Variants in STRN observed in about 807,000 individuals in gnomAD.
STRN encodes the protein striatin, also known as protein phosphatase 2 regulatory subunit B'''alpha.
A neutral mutation model predicts 96.3 loss-of-function variants in STRN; 53 were observed. The observed-to-expected ratio is 0.55, with a 90% CI of 0.44 to 0.69. The LOEUF (loss-of-function observed/expected upper bound fraction) is 0.69, where lower values mean the gene tolerates loss of function less well. Among genes scored for constraint, STRN ranks in the 30% least tolerant of loss-of-function variants. STRN has a pLI of 0.00. For missense variants in STRN, 987 were observed against 963.9 expected (o/e 1.02, Z -0.32); for synonymous variants, 428 against 355.9 (o/e 1.20, Z -2.28).
chr2:36,933,132 G>T (rs1056577454), intron 1 of STRN, among the ~76,000 whole-genome samples: 2 of 151,246 alleles, frequency 1.3e-5, no homozygotes, highest in African/African-American at 4.9e-5. Context: ...TACACCTGCA[G>T]ATTCAGTCAA....
chr2:36,845,877 A>AT lies in STRN; in HGVS notation c.*3578dup. ...TGGTCACAAATCAGGACCTTCACAG[A>AT]TTGGTAAACACACACACACACACAC... On this transcript the variant is annotated 3_prime_UTR_variant, in exon 18 of 18. Transcript: ENST00000263918. The AT allele has an allele frequency of 8.1e-6, 1 of 122,990 alleles. No individual in the cohort carries two copies. The highest frequency in any genetic ancestry group is 1.8e-5 in the Non-Finnish European group (1 of 55,778). 7.6% of individuals were successfully genotyped at this position (122,990 alleles called of 1,614,324 possible).
chr2:36,918,634 C>A (rs1670171434), intron 2 of STRN, among the ~76,000 whole-genome samples: 1 of 151,956 alleles, frequency 6.6e-6, no homozygotes, highest in African/African-American at 2.4e-5. Flanking sequence ...AAAAAACAGA[C>A]AAAGGCAAAA....
In STRN at chr2:36,839,669, GTCCAGGCCAAAT is replaced by G. The variant is rs1667900910; in HGVS notation, c.*9775_*9786del. On this transcript the variant is annotated 3_prime_UTR_variant, in exon 18 of 18. Transcript: ENST00000263918. The stretch of plus-strand genomic sequence containing the variant: ...TCTAACAGACAATAAATGTCCTATT[GTCCAGGCCAAAT>G]TCCTGCTTTCTTCTGTGTTGAACTG... Among the ~76,000 whole-genome samples, 1 of 152,088 alleles carries G rather than the reference GTCCAGGCCAAAT, an allele frequency of 6.6e-6. No homozygotes were observed. Among genetic ancestry groups the G allele is most frequent in the South Asian group, 2.1e-4 (1 of 4,824 alleles).
intron 2 of STRN, among the ~76,000 whole-genome samples, chr2:36,916,941 G>T (rs1017564983): frequency 1.3e-5 from 2 of 151,128 alleles, no homozygotes; most frequent in Non-Finnish European, 2.9e-5. Flanking sequence ...TAATCTATTT[G>T]CATATTTTCA....
intron 2 of STRN, among the ~76,000 whole-genome samples, chr2:36,923,409 C>G (rs1405090648): frequency 6.7e-6 from 1 of 149,586 alleles, no homozygotes; most frequent in East Asian, 2.0e-4. Context: ...CGAGATCACA[C>G]CACTGCACTC....
At chr2:36,855,405 T>C in intron 14 of STRN, 53 bp from the exon 15 acceptor site, 1 of 1,596,916 alleles carries the variant, frequency 6.3e-7, no homozygotes, top group South Asian at 1.1e-5. Flanking sequence ...TACTTGACAA[T>C]CTGCTTAAAA....
At chr2:36,931,568 C>T (rs1233265195) in intron 1 of STRN, among the ~76,000 whole-genome samples, 9 of 152,152 alleles carry the variant, frequency 5.9e-5, no homozygotes, top group Non-Finnish European at 1.2e-4. Flanking sequence ...CTACTTTGTG[C>T]CTGGCAGTTA....
At chr2:36,850,655 C>G (rs1668195140) in intron 16 of STRN, among the ~76,000 whole-genome samples, 1 of 152,110 alleles carries the variant, frequency 6.6e-6, no homozygotes, top group Non-Finnish European at 1.5e-5. Context: ...TCCAATGTTT[C>G]TACTTTTCCC....
At chr2:36,939,955 C>T (rs1670804800) in intron 1 of STRN, among the ~76,000 whole-genome samples, 1 of 152,176 alleles carries the variant, frequency 6.6e-6, no homozygotes, top group African/African-American at 2.4e-5. Context: ...GTAGTAAAAT[C>T]TATTCATTCA....
chr2:36,939,871 C>T (rs374036441), intron 1 of STRN, among the ~76,000 whole-genome samples: 2 of 152,108 alleles, frequency 1.3e-5, no homozygotes, highest in African/African-American at 4.8e-5. Context: ...GGAAAGACCA[C>T]GATACAGTAT....
chr2:36,891,644 CT>C (rs1484223068), intron 7 of STRN, among the ~76,000 whole-genome samples: 1 of 152,164 alleles, frequency 6.6e-6, no homozygotes, highest in Non-Finnish European at 1.5e-5. Context: ...TCTTGTAGAC[CT>C]TGTGCCACTG....
chr2:36,938,710 T>C (rs1277063626), intron 1 of STRN, among the ~76,000 whole-genome samples: 1 of 152,196 alleles, frequency 6.6e-6, no homozygotes, highest in East Asian at 1.9e-4. Flanking sequence ...TTGATATCTT[T>C]TAACTATTGT....
intron 16 of STRN, among the ~76,000 whole-genome samples, chr2:36,850,749 A>C (rs1668197122): frequency 2.0e-5 from 3 of 152,172 alleles, no homozygotes. Context: ...CCCTAGTGAT[A>C]ACCTTGGCTC....
intron 3 of STRN, among the ~76,000 whole-genome samples, chr2:36,907,386 A>G (rs1316381042): frequency 6.6e-6 from 1 of 152,106 alleles, no homozygotes; most frequent in Non-Finnish European, 1.5e-5. Context: ...TGTCTCTACT[A>G]AAAATACAAA....
chr2:36,929,483 G>A (rs566216170), intron 1 of STRN, among the ~76,000 whole-genome samples: 10 of 151,758 alleles, frequency 6.6e-5, no homozygotes, highest in Non-Finnish European at 1.2e-4. Flanking sequence ...TCCCAGGGTC[G>A]AAGTAATTCT....
At chr2:36,880,712 T>C (rs1364034041) in intron 9 of STRN, among the ~76,000 whole-genome samples, 1 of 152,214 alleles carries the variant, frequency 6.6e-6, no homozygotes, top group Admixed American at 6.5e-5. Flanking sequence ...CATGTGAGAC[T>C]ATGATGGTAG....
intron 6 of STRN, among the ~76,000 whole-genome samples, chr2:36,897,490 C>T (rs2148193319): frequency 6.6e-6 from 1 of 151,264 alleles, no homozygotes; most frequent in Non-Finnish European, 1.5e-5. Flanking sequence ...GGCTGGAGTG[C>T]AGTGGCGCAA....
At chr2:36,903,799 G>C (rs534519954) in intron 4 of STRN, among the ~76,000 whole-genome samples, 2 of 152,056 alleles carry the variant, frequency 1.3e-5, no homozygotes, top group African/African-American at 4.8e-5. Context: ...GAAAGGTCTC[G>C]ATTAAAATTT....
rs1207469379 is a variant in STRN, at chr2:36,844,869, T to C, written c.*4587A>G. ...CTTTGTTTTTAAACACAGATACGTT[T>C]TTCTGGGCCTTTCTCTAAAATGAAC... On this transcript the variant is annotated 3_prime_UTR_variant, in exon 18 of 18. Transcript: ENST00000263918. 6.6e-6 allele frequency: 1 copy of C among 152,148 alleles called. No homozygotes were observed. The highest frequency in any genetic ancestry group is 1.5e-5 in the Non-Finnish European group (1 of 68,016). The allele number at this position is 152,148 out of a possible 1,614,324, so 9.4% of individuals were successfully genotyped here. A position where few individuals can be genotyped will look rare whatever the true frequency, so the allele number is the denominator to read the frequency against.
Sources: allele counts gnomAD v4.1 joint callset (sites outside exome capture counted in the v4.1 genomes callset), GRCh38; gene constraint gnomAD v4.1.1; transcripts MANE v1.5; gene names NCBI Gene and HGNC (gene_info 2026-07-23, HGNC 2026-07-21).